The following DNAJA1 variants were observed in gnomAD, a reference collection of about 807,000 sequenced individuals.
DNAJA1 encodes the protein dnaJ homolog subfamily A member 1.
In DNAJA1, 26 loss-of-function variants were observed where a neutral mutation model predicts 47.6. The ratio of observed to expected loss-of-function variants is 0.55; its 90% CI spans 0.40 to 0.76. The LOEUF (loss-of-function observed/expected upper bound fraction) is 0.76. Among genes scored for constraint, DNAJA1 ranks in the 30% least tolerant of loss-of-function variants. The pLI is 0.00. For synonymous variants in DNAJA1, 165 were observed against 158.4 expected, an observed-to-expected ratio of 1.04 and a Z score of -0.31; for missense variants, 315 against 485.0, an observed-to-expected ratio of 0.65 and a Z score of 3.29.
At chr9:33,031,049 T>C (rs1028325453) in intron 5 of DNAJA1, among the ~76,000 whole-genome samples, 3 of 152,224 alleles carry the variant, frequency 2.0e-5, no homozygotes, top group Non-Finnish European at 4.4e-5. Flanking sequence ...AGGCATACTT[T>C]TAAGGATTTG....
chr9:33,029,447 T>C (rs932711600), intron 3 of DNAJA1, among the ~76,000 whole-genome samples: 2 of 152,242 alleles, frequency 1.3e-5, no homozygotes, highest in African/African-American at 2.4e-5. Flanking sequence ...TTAATGAGAA[T>C]TTACTGTGCT....
Position 33,028,247 on chromosome 9 carries a change from C to T in DNAJA1, c.310+1257C>T, listed in dbSNP as rs763868781. ...CCAGGGCTGAAAACTGGTTCGTTGC[C>T]TGCCATCTATCTATTCTTGTTTCAG... On this transcript the variant is annotated intron_variant, in intron 3 of 8. Coordinates refer to ENST00000330899, the MANE Select transcript of DNAJA1 (RefSeq NM_001539.4). Among the ~76,000 whole-genome samples, 5 of 152,126 alleles carry T rather than the reference C, an allele frequency of 3.3e-5. No individual in the cohort carries two copies. The East Asian group carries it at 9.6e-4, about 29-fold the overall frequency.
chr9:33,029,990 G>A lies in DNAJA1; in HGVS notation c.415+1G>A. ...AATGTGATTTGTGACAAATGTGAAG[G>A]TACGGTGTTTTTTTGTTTTGTTTTG... is the stretch of plus-strand genomic sequence containing the variant. On this transcript the variant is annotated splice_donor_variant, in intron 4 of 8. Transcript: ENST00000330899. LOFTEE classifies it high-confidence loss of function. 1 of 1,610,418 alleles carries A rather than the reference G, an allele frequency of 6.2e-7. No homozygotes were observed. The highest frequency in any genetic ancestry group is 8.5e-7 in the Non-Finnish European group (1 of 1,179,044).
chr9:33,025,381 C>G lies in DNAJA1; in HGVS notation c.-13C>G, dbSNP rs1015194897. 6.6e-6 allele frequency: 1 copy of G among 152,456 alleles called. No homozygotes were observed. Among genetic ancestry groups the G allele is most frequent in the African/African-American group, 2.4e-5 (1 of 41,472 alleles). 9.4% of individuals were successfully genotyped at this position (152,456 alleles called of 1,614,324 possible). On this transcript the variant is annotated splice_region_variant and 5_prime_UTR_variant, in exon 1 of 9. Coordinates refer to ENST00000330899, the MANE Select transcript of DNAJA1 (RefSeq NM_001539.4). ...CCTCACACACCGGCCTCAGCCCGCA[C>G]CGGTGAGTTTGAGCCCTCGCGCTGC...
rs138490370 is a variant in DNAJA1, at chr9:33,027,758, G to C, written c.310+768G>C. 5.3e-3 allele frequency among the ~76,000 whole-genome samples: 805 copies of C among 152,162 alleles called. 1 individual carries two copies. The highest frequency in any genetic ancestry group is 9.3e-3 in the Non-Finnish European group (630 of 68,006). The stretch of plus-strand genomic sequence containing the variant: ...CCAGCTCCTCTGGAGGCTGAGGCAG[G>C]AGAATCGCTTGAACCCTGGAGGCAG... On this transcript the variant is annotated intron_variant, in intron 3 of 8. Transcript: ENST00000330899.
In DNAJA1 at chr9:33,039,107, T is replaced by C. The variant is rs1469864602; in HGVS notation, c.*204T>C. On this transcript the variant is annotated 3_prime_UTR_variant, in exon 9 of 9. Transcript: ENST00000330899. ...TGTATGATGACTTCAGTGTGCAAGA[T>C]GAAGTTTAATACCTGTAAAAACTAC... The C allele has an allele frequency of 1.8e-6, 1 of 569,398 alleles. No individual in the cohort carries two copies. Among genetic ancestry groups the C allele is most frequent in the Non-Finnish European group, 3.1e-6 (1 of 322,726 alleles). The allele number at this position is 569,398 out of a possible 1,614,324, so 35.3% of individuals were successfully genotyped here. A position where few individuals can be genotyped will look rare whatever the true frequency, so the allele number is the denominator to read the frequency against.
Position 33,026,462 on chromosome 9 carries a change from T to G in DNAJA1, c.-10-13T>G. The stretch of plus-strand genomic sequence containing the variant: ...AGTTGAAAGCCGGTTAAAGTTGCAT[T>G]TTCTTATTTCAGGCAGTAGAAGATG... On this transcript the variant is annotated splice_polypyrimidine_tract_variant and intron_variant, in intron 1 of 8. Coordinates refer to ENST00000330899, the MANE Select transcript of DNAJA1 (RefSeq NM_001539.4). 1 of 1,596,128 alleles carries G rather than the reference T, an allele frequency of 6.3e-7. No individual in the cohort carries two copies. Among genetic ancestry groups the G allele is most frequent in the African/African-American group, 1.4e-5 (1 of 73,376 alleles).
chr9:33,034,191 T>G (rs146882384), intron 5 of DNAJA1, 25 bp from the exon 6 acceptor site: 3 of 1,482,382 alleles, frequency 2.0e-6, no homozygotes, highest in Non-Finnish European at 1.8e-6. Context: ...TTAATAAAAG[T>G]ACAAAATTAA....
At chr9:33,027,859 C>CA (rs889392089) in intron 3 of DNAJA1, among the ~76,000 whole-genome samples, 18 of 150,716 alleles carry the variant, frequency 1.2e-4, no homozygotes, top group Non-Finnish European at 2.1e-4. Context: ...ACAAAAAACC[C>CA]AAAAAAATCC....
At chr9:33,035,800 G>GTTTC (rs1200136879) in intron 6 of DNAJA1, among the ~76,000 whole-genome samples, 6 of 152,164 alleles carry the variant, frequency 3.9e-5, no homozygotes, top group African/African-American at 1.4e-4. Flanking sequence ...GGTTGGAAAA[G>GTTTC]GAAAGTCTAA....
chr9:33,039,860 C>A lies in DNAJA1; in HGVS notation c.*957C>A, dbSNP rs138583305. The A allele has an allele frequency of 2.6e-5, 4 of 152,138 alleles. No individual in the cohort carries two copies. Among genetic ancestry groups the A allele is most frequent in the African/African-American group, 9.6e-5 (4 of 41,514 alleles). 9.4% of individuals were successfully genotyped at this position (152,138 alleles called of 1,614,324 possible). On this transcript the variant is annotated 3_prime_UTR_variant, in exon 9 of 9. Transcript: ENST00000330899. ...TCTGGGTATCAGAATTTAAGCAATTCTTGAAATGTATTGTCTCCTTAATAT... is the reference window on the plus strand; with the variant it reads ...TCTGGGTATCAGAATTTAAGCAATTATTGAAATGTATTGTCTCCTTAATAT...
intron 3 of DNAJA1, among the ~76,000 whole-genome samples, chr9:33,029,431 T>A (rs907212038): frequency 1.3e-5 from 2 of 152,234 alleles, no homozygotes; most frequent in African/African-American, 4.8e-5. Context: ...CCCTGGCCAA[T>A]CTTGATTAAT....
Position 33,037,028 on chromosome 9 carries a change from G to C in DNAJA1, c.888G>C (p.Lys296Asn). 6.2e-7 allele frequency: 1 copy of C among 1,610,628 alleles called. No individual in the cohort carries two copies. The highest frequency in any genetic ancestry group is 8.5e-7 in the Non-Finnish European group (1 of 1,179,200). The change falls in exon 8 of 9, where the codon AAG becomes AAC. Residue 296 changes from lysine to asparagine, a missense_variant. Lys to Asn is a moderately conservative substitution (Grantham distance 94, BLOSUM62 0). This residue lies in a region of DNAJA1 where 162 missense variants were observed against 185.4 expected (regional missense o/e 0.87). Transcript: ENST00000330899. ...CAATGTTTTTAGGTCAGATTGTCAA[G>C]CATGGAGATATCAAGTGTGTACTAA... The part of the protein sequence containing the change: ...VITSHPGQIV[K>N]HGDIKCVLNE...
In DNAJA1 at chr9:33,026,765, A is replaced by G. The variant is rs772712324; in HGVS notation, c.133-48A>G. On this transcript the variant is annotated intron_variant, in intron 2 of 8. Coordinates refer to ENST00000330899, the MANE Select transcript of DNAJA1 (RefSeq NM_001539.4). ...AAGATCAAGTGTAATGTAGCTAGGTAACACTTGTTTTTTAAAAAATGAAAT... is the reference window on the plus strand; with the variant it reads ...AAGATCAAGTGTAATGTAGCTAGGTGACACTTGTTTTTTAAAAAATGAAAT... 5 of 1,599,734 alleles carry G rather than the reference A, an allele frequency of 3.1e-6. No individual in the cohort carries two copies. In the African/African-American group the frequency reaches 4.1e-5, roughly 13 times the overall value.
Position 33,036,553 on chromosome 9 carries a change from T to C in DNAJA1, c.759-21T>C, listed in dbSNP as rs773375770. On this transcript the variant is annotated intron_variant, in intron 6 of 8. Coordinates refer to ENST00000330899, the MANE Select transcript of DNAJA1 (RefSeq NM_001539.4). ...TGATTCGTGATTTGAAAAATATAAATATGTGTCATATTTTATGCAGACGAG... is the reference window on the plus strand; with the variant it reads ...TGATTCGTGATTTGAAAAATATAAACATGTGTCATATTTTATGCAGACGAG... 3 of 1,499,858 alleles carry C rather than the reference T, an allele frequency of 2.0e-6. No homozygotes were observed. The African/African-American group carries it at 4.2e-5, about 21-fold the overall frequency. The allele number at this position is 1,499,858 out of a possible 1,614,324, so 92.9% of individuals were successfully genotyped here.
At chr9:33,028,511 T>G (rs1305821410) in intron 3 of DNAJA1, among the ~76,000 whole-genome samples, 1 of 152,244 alleles carries the variant, frequency 6.6e-6, no homozygotes, top group African/African-American at 2.4e-5. Context: ...GTTTATTCAG[T>G]TTTTCTTTAA....
intron 6 of DNAJA1, 115 bp from the exon 7 acceptor site, chr9:33,036,459 A>C (rs990442727): frequency 1.7e-6 from 1 of 600,760 alleles, no homozygotes; most frequent in Non-Finnish European, 2.9e-6. Flanking sequence ...TGGGGGAAGA[A>C]AAGGGTGTCT....
At chr9:33,032,267 G>C (rs933340975) in intron 5 of DNAJA1, among the ~76,000 whole-genome samples, 14 of 152,238 alleles carry the variant, frequency 9.2e-5, no homozygotes, top group African/African-American at 3.4e-4. Flanking sequence ...TACATTGAAA[G>C]GTAAAAATAA....
At chr9:33,035,034 C>T (rs1417199890) in intron 6 of DNAJA1, among the ~76,000 whole-genome samples, 1 of 141,308 alleles carries the variant, frequency 7.1e-6, no homozygotes, top group East Asian at 2.0e-4. Flanking sequence ...AGTAAGAACC[C>T]ACCTTTTTTT....
Sources: allele counts gnomAD v4.1 joint callset (sites outside exome capture counted in the v4.1 genomes callset), GRCh38; gene constraint gnomAD v4.1.1; regional missense constraint gnomAD v4.1.1; transcripts MANE v1.5; gene names NCBI Gene and HGNC (gene_info 2026-07-23, HGNC 2026-07-21).